Variants in CCDC192 observed in about 807,000 individuals in gnomAD.
CCDC192 encodes the protein coiled-coil domain-containing protein 192.
At chr5:127,704,282 G>T (rs199911664) in intron 1 of CCDC192, among the ~76,000 whole-genome samples, 3 of 23,084 alleles carry the variant, frequency 1.3e-4, no homozygotes, top group Admixed American at 2.5e-4. Flanking sequence ...TCTGCCTCCC[G>T]GGTTCAAGTG....
At chr5:127,877,381 A>G (rs1398953019) in intron 6 of CCDC192, among the ~76,000 whole-genome samples, 1 of 152,086 alleles carries the variant, frequency 6.6e-6, no homozygotes, top group African/African-American at 2.4e-5. Flanking sequence ...ACCTGTATAG[A>G]AAAACATGGG....
chr5:127,890,824 T>A (rs558502698), intron 6 of CCDC192, among the ~76,000 whole-genome samples: 2 of 152,224 alleles, frequency 1.3e-5, no homozygotes, highest in Non-Finnish European at 2.9e-5. Flanking sequence ...TCTCCATCAT[T>A]TGCCCGACAA....
chr5:127,867,296 G>A (rs1289622037), intron 5 of CCDC192, among the ~76,000 whole-genome samples: 1 of 152,176 alleles, frequency 6.6e-6, no homozygotes, highest in African/African-American at 2.4e-5. Flanking sequence ...AGTTCAAAGG[G>A]AGTGCTGGAC....
intron 3 of CCDC192, among the ~76,000 whole-genome samples, chr5:127,764,507 A>G (rs1339476315): frequency 6.6e-6 from 1 of 152,160 alleles, no homozygotes; most frequent in Admixed American, 6.5e-5. Flanking sequence ...TCTTATGGAC[A>G]ACTCCATGCA....
intron 5 of CCDC192, among the ~76,000 whole-genome samples, chr5:127,846,000 T>C (rs1420578675): frequency 6.6e-6 from 1 of 152,122 alleles, no homozygotes; most frequent in East Asian, 1.9e-4. Flanking sequence ...AATAAAAGAA[T>C]ATTTGTTTGG....
intron 5 of CCDC192, among the ~76,000 whole-genome samples, chr5:127,834,407 T>C (rs1473850598): frequency 6.6e-6 from 1 of 152,206 alleles, no homozygotes; most frequent in Non-Finnish European, 1.5e-5. Flanking sequence ...CAGATGGACA[T>C]GTAAATAAAC....
intron 6 of CCDC192, among the ~76,000 whole-genome samples, chr5:127,881,903 T>C (rs1399619727): frequency 1.3e-5 from 2 of 152,216 alleles, no homozygotes; most frequent in African/African-American, 4.8e-5. Context: ...TTTGGTACAC[T>C]TCAGTATGCA....
chr5:127,876,428 G>T (rs1294004753), intron 6 of CCDC192, among the ~76,000 whole-genome samples: 2 of 152,172 alleles, frequency 1.3e-5, no homozygotes, highest in South Asian at 4.1e-4. Flanking sequence ...GCTTAGAGAT[G>T]TGTGTTACCT....
At chr5:127,929,450 G>A (rs1477964099) in intron 6 of CCDC192, among the ~76,000 whole-genome samples, 2 of 152,170 alleles carry the variant, frequency 1.3e-5, no homozygotes, top group Admixed American at 6.5e-5. Flanking sequence ...GGGGCTGTGT[G>A]TAGAGATGTA....
intron 2 of CCDC192, among the ~76,000 whole-genome samples, chr5:127,711,596 A>G (rs565867238): frequency 6.6e-6 from 1 of 152,150 alleles, no homozygotes; most frequent in African/African-American, 2.4e-5. Flanking sequence ...GGTATCTATA[A>G]ATTTTAACAT....
chr5:127,747,605 C>A (rs943700706), intron 2 of CCDC192, among the ~76,000 whole-genome samples: 1 of 151,894 alleles, frequency 6.6e-6, no homozygotes, highest in Non-Finnish European at 1.5e-5. Flanking sequence ...GATTTATAGT[C>A]CTTTGGGTAT....
chr5:127,882,635 T>TA (rs923918684), intron 6 of CCDC192, among the ~76,000 whole-genome samples: 1 of 152,046 alleles, frequency 6.6e-6, no homozygotes, highest in African/African-American at 2.4e-5. Flanking sequence ...CATTAGAAAA[T>TA]AAAAAAACAG....
In CCDC192 at chr5:127,706,472, C is replaced by T. The variant is rs558307998; in HGVS notation, c.63-1237C>T. Among the ~76,000 whole-genome samples the T allele has an allele frequency of 1.6e-3, 226 of 137,884 alleles. 2 individuals carry two copies. Among genetic ancestry groups the T allele is most frequent in the Middle Eastern group, 0.014 (3 of 220 alleles). 90.5% of individuals were successfully genotyped at this position (137,884 alleles called of 152,430 possible). A position where few individuals can be genotyped will look rare whatever the true frequency, so the allele number is the denominator to read the frequency against. ...AACCCGGGAAGTGGAGGCAGTGAGCCGAGATTGTGCTACTGCACTCCAGCC... is the reference window on the plus strand; with the variant it reads ...AACCCGGGAAGTGGAGGCAGTGAGCTGAGATTGTGCTACTGCACTCCAGCC... On this transcript the variant is annotated intron_variant, in intron 1 of 6. Transcript: ENST00000514853.
intron 6 of CCDC192, among the ~76,000 whole-genome samples, chr5:127,894,978 G>A (rs1561542912): frequency 6.6e-6 from 1 of 152,200 alleles, no homozygotes; most frequent in Non-Finnish European, 1.5e-5. Flanking sequence ...ACTCTGGGCT[G>A]AATTTTTTTT....
intron 6 of CCDC192, among the ~76,000 whole-genome samples, chr5:127,889,848 C>G (rs1752682178): frequency 6.6e-6 from 1 of 152,172 alleles, no homozygotes; most frequent in South Asian, 2.1e-4. Flanking sequence ...TCCTGACCTC[C>G]TCTGGCCATG....
intron 5 of CCDC192, among the ~76,000 whole-genome samples, chr5:127,852,671 G>GCTT (rs1750854201): frequency 6.6e-6 from 1 of 151,900 alleles, no homozygotes; most frequent in East Asian, 1.9e-4. Flanking sequence ...AGGAGGGAGA[G>GCTT]ACACTTTGTA....
chr5:127,706,595 G>A (rs1447795379), intron 1 of CCDC192, among the ~76,000 whole-genome samples: 1 of 150,742 alleles, frequency 6.6e-6, no homozygotes, highest in African/African-American at 2.4e-5. Flanking sequence ...TGTTACATCT[G>A]TGAGGTTTAT....
intron 3 of CCDC192, among the ~76,000 whole-genome samples, chr5:127,796,525 C>A (rs1001399584): frequency 6.6e-6 from 1 of 152,134 alleles, no homozygotes. Context: ...CAAAAGGAAT[C>A]AACAAACAGT....
At chr5:127,818,479 C>T (rs1374403734) in intron 5 of CCDC192, among the ~76,000 whole-genome samples, 2 of 152,132 alleles carry the variant, frequency 1.3e-5, no homozygotes, top group African/African-American at 4.8e-5. Context: ...TTCCTCAAGT[C>T]ATTCTAATGT....
Sources: allele counts gnomAD v4.1 joint callset (sites outside exome capture counted in the v4.1 genomes callset), GRCh38; gene constraint gnomAD v4.1.1; transcripts MANE v1.5; gene names NCBI Gene and HGNC (gene_info 2026-07-23, HGNC 2026-07-21).